SEPTIN7: variants seen among roughly 807,000 people sequenced by gnomAD.
SEPTIN7 encodes septin 7, also known as septin-7.
Under a neutral mutation model 63.3 loss-of-function variants are expected in SEPTIN7, and 10 were observed. The ratio of observed to expected loss-of-function variants is 0.16; its 90% CI spans 0.10 to 0.27. The LOEUF is 0.27. Among genes scored for constraint, SEPTIN7 ranks in the 10% least tolerant of loss-of-function variants. SEPTIN7 has a pLI of 1.00. For missense variants in SEPTIN7, 310 were observed against 521.0 expected, an observed-to-expected ratio of 0.59 and a Z score of 3.94; for synonymous variants, 131 against 165.3, an observed-to-expected ratio of 0.79 and a Z score of 1.59.
chr7:35,886,152 A>G (rs936441733), intron 10 of SEPTIN7, among the ~76,000 whole-genome samples: 1 of 152,230 alleles, frequency 6.6e-6, no homozygotes, highest in African/African-American at 2.4e-5. Context: ...TAACTATGGA[A>G]AGTGAAGTAG....
At chr7:35,832,106 T>C (rs1207745914) in intron 2 of SEPTIN7, 1 of 454,356 alleles carries the variant, frequency 2.2e-6, no homozygotes. Context: ...CACGAAACTA[T>C]TGTTGAGGTC....
At chr7:35,881,512 T>TA (rs1786878067) in intron 7 of SEPTIN7, among the ~76,000 whole-genome samples, 1 of 151,468 alleles carries the variant, frequency 6.6e-6, no homozygotes, top group Non-Finnish European at 1.5e-5. Flanking sequence ...TTTTTTTTTT[T>TA]AAATATAGGT....
chr7:35,862,256 T>G (rs1337548473), intron 3 of SEPTIN7, among the ~76,000 whole-genome samples: 1 of 152,102 alleles, frequency 6.6e-6, no homozygotes, highest in Admixed American at 6.6e-5. Flanking sequence ...CCCTTTGTCC[T>G]CTGTCATCTT....
intron 1 of SEPTIN7, among the ~76,000 whole-genome samples, chr7:35,822,884 A>G (rs1363720756): frequency 6.6e-6 from 1 of 152,196 alleles, no homozygotes; most frequent in Non-Finnish European, 1.5e-5. Context: ...AATATTAAAG[A>G]TGACATCTAA....
intron 1 of SEPTIN7, among the ~76,000 whole-genome samples, chr7:35,804,731 C>A (rs544732262): frequency 2.2e-4 from 33 of 152,240 alleles, no homozygotes; most frequent in Admixed American, 1.6e-3. Context: ...CTACTATACA[C>A]CTGGGCTATA....
At position 35,829,062 on chromosome 7, in the gene SEPTIN7, C is replaced by G. The variant is rs562832497; in HGVS notation, c.62-2430C>G. On this transcript the variant is annotated intron_variant, in intron 1 of 13. Transcript: ENST00000350320. ...AATGATCAGGCCCCTGCTTGCCTCC[C>G]TGACCTCATTTCCTATCACTCATCC... Among the ~76,000 whole-genome samples, 4 of 151,692 alleles carry G rather than the reference C, an allele frequency of 2.6e-5. No individual in the cohort carries two copies. The South Asian group carries it at 8.3e-4, about 31-fold the overall frequency.
intron 3 of SEPTIN7, among the ~76,000 whole-genome samples, chr7:35,834,701 A>T (rs55874434): frequency 6.6e-6 from 1 of 152,114 alleles, no homozygotes; most frequent in Non-Finnish European, 1.5e-5. Flanking sequence ...TGCCTTATAC[A>T]TAGTCACTTA....
At chr7:35,820,016 A>T (rs1325630191) in intron 1 of SEPTIN7, among the ~76,000 whole-genome samples, 1 of 148,568 alleles carries the variant, frequency 6.7e-6, no homozygotes, top group Non-Finnish European at 1.5e-5. Flanking sequence ...TCTCACTCTC[A>T]CTCAGGCTGG....
intron 1 of SEPTIN7, among the ~76,000 whole-genome samples, chr7:35,820,001 C>T (rs1789317560): frequency 6.7e-6 from 1 of 148,788 alleles, no homozygotes; most frequent in Non-Finnish European, 1.5e-5. Flanking sequence ...TTTTTTGAGA[C>T]AGGGTCTCAC....
At chr7:35,810,138 T>C (rs1319217909) in intron 1 of SEPTIN7, among the ~76,000 whole-genome samples, 1 of 152,144 alleles carries the variant, frequency 6.6e-6, no homozygotes, top group Non-Finnish European at 1.5e-5. Flanking sequence ...GGAAGACATC[T>C]AGGATAGAAA....
At chr7:35,806,012 T>C (rs147535515) in intron 1 of SEPTIN7, among the ~76,000 whole-genome samples, 68 of 152,312 alleles carry the variant, frequency 4.5e-4, no homozygotes, top group African/African-American at 1.5e-3. Context: ...TTTACCAGCA[T>C]CCCTGCTGTC....
At chr7:35,888,379 T>C (rs1373506476) in intron 10 of SEPTIN7, among the ~76,000 whole-genome samples, 2 of 152,196 alleles carry the variant, frequency 1.3e-5, no homozygotes, top group South Asian at 2.1e-4. Context: ...ATCTAAAATA[T>C]TAGATGACAC....
chr7:35,818,950 G>C (rs1789249550), intron 1 of SEPTIN7, among the ~76,000 whole-genome samples: 1 of 151,204 alleles, frequency 6.6e-6, no homozygotes, highest in Admixed American at 6.6e-5. Flanking sequence ...TCTGTTTTAT[G>C]TATTTCATTT....
At chr7:35,831,307 T>C (rs1183362686) in intron 1 of SEPTIN7, 185 bp from the exon 2 acceptor site, 1 of 178,776 alleles carries the variant, frequency 5.6e-6, no homozygotes, top group Admixed American at 6.4e-5. Flanking sequence ...ACCTCTAATT[T>C]GTTGAGTTAC....
At chr7:35,888,890 T>C in intron 10 of SEPTIN7, 1 of 309,464 alleles carries the variant, frequency 3.2e-6, no homozygotes, top group Non-Finnish European at 6.5e-6. Context: ...TTGGCATAGG[T>C]ATTTGTTATT....
chr7:35,809,978 T>G (rs534858881), intron 1 of SEPTIN7, among the ~76,000 whole-genome samples: 1 of 152,080 alleles, frequency 6.6e-6, no homozygotes, highest in South Asian at 2.1e-4. Flanking sequence ...ATGTGGGTGG[T>G]GAGTAATGAG....
chr7:35,822,169 T>TC (rs1429479362), intron 1 of SEPTIN7, among the ~76,000 whole-genome samples: 1 of 152,078 alleles, frequency 6.6e-6, no homozygotes, highest in Admixed American at 6.5e-5. Flanking sequence ...ATCCTCTGCC[T>TC]CCCAGGTTCA....
chr7:35,852,471 T>A (rs1018331266), intron 3 of SEPTIN7, among the ~76,000 whole-genome samples: 19 of 152,128 alleles, frequency 1.2e-4, no homozygotes, highest in African/African-American at 4.6e-4. Context: ...ACAGAAAAAT[T>A]TGGAATACAC....
intron 3 of SEPTIN7, among the ~76,000 whole-genome samples, chr7:35,848,656 A>G (rs1431914547): frequency 1.3e-5 from 2 of 152,226 alleles, no homozygotes; most frequent in Admixed American, 1.3e-4. Context: ...AAAAGAACTT[A>G]CAGAAATTTG....
Sources: allele counts gnomAD v4.1 joint callset (sites outside exome capture counted in the v4.1 genomes callset), GRCh38; gene constraint gnomAD v4.1.1; transcripts MANE v1.5; gene names NCBI Gene and HGNC (gene_info 2026-07-23, HGNC 2026-07-21).